CP: variants seen among roughly 807,000 people sequenced by gnomAD.
CP encodes the protein ceruloplasmin.
In CP, 64 loss-of-function variants were observed where a neutral mutation model predicts 122.4. That is an observed-to-expected ratio of 0.52 (90% CI 0.43 to 0.64). CP has a LOEUF of 0.64. CP is among the 30% of genes least tolerant of loss of function. The pLI, the probability that CP is intolerant of heterozygous loss-of-function variation, is 0.00. For missense variants in CP, 1,167 were observed against 1,284.4 expected, an observed-to-expected ratio of 0.91 and a Z score of 1.40; for synonymous variants, 440 against 436.4, an observed-to-expected ratio of 1.01 and a Z score of -0.10.
At position 149,217,879 on chromosome 3, in the gene CP, G is replaced by A. The variant is rs148907074; in HGVS notation, c.146+3768C>T. The A allele has an allele frequency of 1.5e-3, 693 of 449,730 alleles. 4 individuals carry two copies. The highest frequency in any genetic ancestry group is 0.014 in the African/African-American group (652 of 48,194). 27.9% of individuals were successfully genotyped at this position (449,730 alleles called of 1,614,324 possible). A position where few individuals can be genotyped will look rare whatever the true frequency, so the allele number is the denominator to read the frequency against. On this transcript the variant is annotated intron_variant, in intron 1 of 18. Transcript: ENST00000264613. ...AATTATGATTACCGTAAGGTGGAAT[G>A]TTCTTTGTTGTCTAGTTTTTTGGTC...
At chr3:149,197,254 G>A (rs538960390) in intron 9 of CP, among the ~76,000 whole-genome samples, 5 of 152,180 alleles carry the variant, frequency 3.3e-5, no homozygotes, top group East Asian at 1.9e-4. Flanking sequence ...ACATGGACGC[G>A]CATGAAAGTC....
intron 1 of CP, among the ~76,000 whole-genome samples, chr3:149,219,854 C>T (rs1213465998): frequency 6.6e-6 from 1 of 151,422 alleles, no homozygotes; most frequent in Admixed American, 6.6e-5. Flanking sequence ...TTGGAGGGCT[C>T]AGATGACAGG....
chr3:149,185,618 A>C (rs987659985), intron 11 of CP, among the ~76,000 whole-genome samples, 172 bp from the exon 12 acceptor site: 1 of 152,208 alleles, frequency 6.6e-6, no homozygotes, highest in South Asian at 2.1e-4. Context: ...GAGCAGATCA[A>C]GTGTGTGCCT....
intron 1 of CP, among the ~76,000 whole-genome samples, chr3:149,216,141 T>A (rs1728442761): frequency 6.6e-6 from 1 of 152,194 alleles, no homozygotes; most frequent in African/African-American, 2.4e-5. Context: ...TATTGCTGCA[T>A]AACAAATTAT....
intron 1 of CP, among the ~76,000 whole-genome samples, chr3:149,213,804 A>C (rs1466605890): frequency 6.6e-6 from 1 of 152,134 alleles, no homozygotes; most frequent in Non-Finnish European, 1.5e-5. Context: ...TAAAAGTGAG[A>C]TATATTTTTC....
intron 18 of CP, 28 bp downstream of exon 18, chr3:149,176,222 C>T (rs1224065286): frequency 3.1e-6 from 5 of 1,605,322 alleles, no homozygotes; most frequent in Non-Finnish European, 4.3e-6. Context: ...TTATATATGG[C>T]TTCTAGAATT....
intron 12 of CP, among the ~76,000 whole-genome samples, chr3:149,184,311 A>G (rs1726005297): frequency 6.6e-6 from 1 of 152,088 alleles, no homozygotes; most frequent in South Asian, 2.1e-4. Context: ...CTGGGATTAC[A>G]GACGTGAGCC....
intron 5 of CP, among the ~76,000 whole-genome samples, 155 bp from the exon 6 acceptor site, chr3:149,206,494 T>A (rs1383413145): frequency 6.6e-6 from 1 of 152,214 alleles, no homozygotes; most frequent in Non-Finnish European, 1.5e-5. Flanking sequence ...GTAAATAAAT[T>A]AATGATGGAA....
intron 5 of CP, 56 bp downstream of exon 5, chr3:149,207,307 A>G: frequency 6.2e-6 from 10 of 1,611,060 alleles, no homozygotes; most frequent in Non-Finnish European, 7.6e-6. Flanking sequence ...TTAGATTCTG[A>G]TTCCCAGTAA....
At chr3:149,171,790 T>C (rs556833898), downstream of CP, among the ~76,000 whole-genome samples, 6 of 150,702 alleles carry the variant, frequency 4.0e-5, no homozygotes, top group South Asian at 2.1e-4. Flanking sequence ...CTGCAACTTC[T>C]GCCTCAAGGG....
At position 149,179,626 on chromosome 3, in the gene CP, C is replaced by A. The variant is rs1338603818; in HGVS notation, c.2591G>T (p.Arg864Ile). The stretch of plus-strand genomic sequence containing the variant: ...AGAATCCTCTGTTCCAGCTCCAGAT[C>A]TTTCTGGGATTTTCCATACGTAAGT... ...TLTYVWKIPE[R>I]SGAGTEDSAC... The change falls in exon 15 of 19, where the codon AGA becomes ATA. Residue 864 changes from arginine to isoleucine, a missense_variant. This residue lies in a region of CP where 525 missense variants were observed against 657.2 expected (regional missense o/e 0.80). Transcript: ENST00000264613. The A allele has an allele frequency of 1.2e-6, 2 of 1,612,976 alleles. No individual in the cohort carries two copies. Among genetic ancestry groups the A allele is most frequent in the African/African-American group, 1.3e-5 (1 of 74,790 alleles).
rs562901047 is a variant in CP, at chr3:149,198,261, T to C, written c.1713+106A>G. On this transcript the variant is annotated intron_variant, in intron 9 of 18. Transcript: ENST00000264613. ...GAAGTCCTTATCTTTTAAAGGTATA[T>C]ACTAAAGTATTTTTGGAGATAATGA... 65 of 853,060 alleles carry C rather than the reference T, an allele frequency of 7.6e-5. No homozygotes were observed. In the African/African-American group the frequency reaches 9.7e-4, roughly 13 times the overall value. 52.8% of individuals were successfully genotyped at this position (853,060 alleles called of 1,614,324 possible).
intron 1 of CP, among the ~76,000 whole-genome samples, chr3:149,213,190 T>C (rs1728225615): frequency 6.6e-6 from 1 of 152,210 alleles, no homozygotes; most frequent in Non-Finnish European, 1.5e-5. Context: ...GTAAGATTAA[T>C]AAAGCTAAAT....
intron 12 of CP, among the ~76,000 whole-genome samples, chr3:149,184,025 CTTCTTTTTTTTTT>C (rs1725973661): frequency 6.0e-5 from 4 of 66,306 alleles, no homozygotes; most frequent in Non-Finnish European, 1.0e-4. Context: ...TTTTCACTTA[CTTCTTTTTTTTTT>C]TTTTTTTTTT....
chr3:149,204,928 T>C lies in CP; in HGVS notation c.1208+1240A>G, dbSNP rs900090230. ...TATCAAGAAAGTGAAAGACAACCTATAGAATGCCAGAAAATATTTGCAAAT... is the reference window on the plus strand; with the variant it reads ...TATCAAGAAAGTGAAAGACAACCTACAGAATGCCAGAAAATATTTGCAAAT... On this transcript the variant is annotated intron_variant, in intron 6 of 18. Transcript: ENST00000264613. 3.3e-5 allele frequency among the ~76,000 whole-genome samples: 5 copies of C among 152,072 alleles called. No individual in the cohort carries two copies. In the South Asian group the frequency reaches 6.2e-4, roughly 19 times the overall value.
rs759309863 is a variant in CP, at chr3:149,209,212, A to G, written c.780T>C (p.Tyr260=). 6.2e-7 allele frequency: 1 copy of G among 1,613,710 alleles called. No homozygotes were observed. The highest frequency in any genetic ancestry group is 1.7e-5 in the Admixed American group (1 of 60,020). ...TTAACATGTCTGCTGTAATCTTACA[A>G]TACATTCTGTTACTCTCCTGGAAGT... The part of the protein sequence containing the change: ...NEDFQESNRM[Y]SVNGYTFGSL... Residue 260 remains tyrosine, a splice_region_variant and synonymous_variant, in exon 4 of 19, where the codon TAT becomes TAC. Transcript: ENST00000264613.
intron 5 of CP, among the ~76,000 whole-genome samples, chr3:149,164,153 G>A (rs115730315): frequency 4.6e-5 from 7 of 152,122 alleles, no homozygotes; most frequent in East Asian, 1.9e-4. Flanking sequence ...TGTGCTGAGC[G>A]GCTGGTTTTG....
At chr3:149,195,664 A>G (rs1726852267) in intron 9 of CP, among the ~76,000 whole-genome samples, 1 of 152,198 alleles carries the variant, frequency 6.6e-6, no homozygotes, top group African/African-American at 2.4e-5. Context: ...GGAGATCAAG[A>G]CCATCCTGGC....
Position 149,194,683 on chromosome 3 carries a change from A to G in CP, c.1713+3684T>C, listed in dbSNP as rs1726781126. Among the ~76,000 whole-genome samples the G allele has an allele frequency of 2.6e-5, 4 of 152,216 alleles. No individual in the cohort carries two copies. The South Asian group carries it at 8.3e-4, about 32-fold the overall frequency. ...CTTGAAAAACACAAAAGTAGACTTGAACAAATGGAAAGACATACGTTCTTA... is the reference window on the plus strand; with the variant it reads ...CTTGAAAAACACAAAAGTAGACTTGGACAAATGGAAAGACATACGTTCTTA... On this transcript the variant is annotated intron_variant, in intron 9 of 18. Coordinates refer to ENST00000264613, the MANE Select transcript of CP (RefSeq NM_000096.4).
Sources: allele counts gnomAD v4.1 joint callset (sites outside exome capture counted in the v4.1 genomes callset), GRCh38; gene constraint gnomAD v4.1.1; regional missense constraint gnomAD v4.1.1; transcripts MANE v1.5; gene names NCBI Gene and HGNC (gene_info 2026-07-23, HGNC 2026-07-21).